Variants in LAMA2 observed in about 807,000 individuals in gnomAD.
LAMA2 encodes laminin subunit alpha 2.
In LAMA2, 269 loss-of-function variants were observed where a neutral mutation model predicts 364.8. The observed-to-expected ratio is 0.74, with a 90% CI of 0.67 to 0.82. LAMA2 has a LOEUF of 0.82. Among genes scored for constraint, LAMA2 ranks in the 40% least tolerant of loss-of-function variants. The pLI, the probability that LAMA2 is intolerant of heterozygous loss-of-function variation, is 0.00. For missense variants in LAMA2, 3,807 were observed against 3,873.2 expected (o/e 0.98, Z 0.45); for synonymous variants, 1,379 against 1,370.6 (o/e 1.01, Z -0.14).
At position 129,146,947 on chromosome 6, in the gene LAMA2, T is replaced by G; in HGVS notation, c.820-12T>G. On this transcript the variant is annotated splice_polypyrimidine_tract_variant and intron_variant, in intron 5 of 64. Transcript: ENST00000421865. ...ATCTTAACAGGATTTCTCTCTGGAT[T>G]GCTTTTTGCAGTATTACTACTCGGT... 1 of 1,548,786 alleles carries G rather than the reference T, an allele frequency of 6.5e-7. No homozygotes were observed. Among genetic ancestry groups the G allele is most frequent in the Non-Finnish European group, 8.9e-7 (1 of 1,120,784 alleles).
intron 9 of LAMA2, among the ~76,000 whole-genome samples, chr6:129,170,745 CGTT>C (rs1213255012): frequency 6.6e-6 from 1 of 151,948 alleles, no homozygotes; most frequent in Admixed American, 6.6e-5. Flanking sequence ...CTTTCTGTCT[CGTT>C]GATCTGTCTA....
At chr6:129,489,762 G>A (rs1784768229) in intron 56 of LAMA2, among the ~76,000 whole-genome samples, 1 of 152,066 alleles carries the variant, frequency 6.6e-6, no homozygotes, top group South Asian at 2.1e-4. Flanking sequence ...TATTTATTAT[G>A]TAAATTACAA....
chr6:128,915,754 G>C (rs140121903), intron 1 of LAMA2, among the ~76,000 whole-genome samples: 278 of 152,202 alleles, frequency 1.8e-3, no homozygotes, highest in South Asian at 4.1e-3. Context: ...CAAGTGGATA[G>C]TCTGCCAGTT....
chr6:129,319,962 G>C (rs1369912776), intron 27 of LAMA2, among the ~76,000 whole-genome samples: 2 of 151,896 alleles, frequency 1.3e-5, no homozygotes, highest in African/African-American at 4.8e-5. Context: ...ATGAAACCCA[G>C]TTTCTACTAA....
At chr6:129,326,207 G>A (rs992706442) in intron 28 of LAMA2, among the ~76,000 whole-genome samples, 6 of 152,206 alleles carry the variant, frequency 3.9e-5, no homozygotes, top group African/African-American at 7.2e-5. Flanking sequence ...GTGACGCTGC[G>A]CTCTAATTGT....
At chr6:129,210,402 G>GCACA (rs57169956) in intron 12 of LAMA2, among the ~76,000 whole-genome samples, 4 of 150,076 alleles carry the variant, frequency 2.7e-5, no homozygotes, top group South Asian at 2.1e-4. Flanking sequence ...GCATGTGCAC[G>GCACA]CACACACACA....
chr6:129,281,065 A>T (rs539925563), intron 18 of LAMA2, among the ~76,000 whole-genome samples: 1 of 152,322 alleles, frequency 6.6e-6, no homozygotes, highest in Non-Finnish European at 1.5e-5. Context: ...AGCAACTAGC[A>T]GTCTGTGGAC....
intron 35 of LAMA2, among the ~76,000 whole-genome samples, chr6:129,386,324 T>G (rs1018991119): frequency 6.6e-6 from 1 of 151,902 alleles, no homozygotes; most frequent in Non-Finnish European, 1.5e-5. Flanking sequence ...CAGATCCTAT[T>G]TATACATAGG....
intron 12 of LAMA2, among the ~76,000 whole-genome samples, chr6:129,212,401 G>A (rs188991688): frequency 7.5e-4 from 114 of 152,284 alleles, no homozygotes; most frequent in Non-Finnish European, 1.4e-3. Context: ...AGGTAGGATG[G>A]AGCAGATAGG....
intron 13 of LAMA2, among the ~76,000 whole-genome samples, 172 bp from the exon 14 acceptor site, chr6:129,251,912 G>A (rs539952246): frequency 1.5e-4 from 23 of 152,010 alleles, no homozygotes; most frequent in African/African-American, 4.6e-4. Flanking sequence ...TCCAGCCTGG[G>A]GGATAGAGCG....
rs2114421104 is a variant in LAMA2 at position 129,288,068 on chromosome 6, G to C, written c.2749+10G>C. ...GCGAAGAACTGTCAGCGTAAGTCCT[G>C]AACTATTGATGCCCCTGACAGAATT... On this transcript the variant is annotated intron_variant, in intron 19 of 64. Transcript: ENST00000421865. 4 of 1,609,716 alleles carry C rather than the reference G, an allele frequency of 2.5e-6. No individual in the cohort carries two copies. In the South Asian group the frequency reaches 3.3e-5, roughly 13 times the overall value.
chr6:129,482,075 G>C (rs1784375277), intron 55 of LAMA2, among the ~76,000 whole-genome samples: 1 of 152,180 alleles, frequency 6.6e-6, no homozygotes, highest in Non-Finnish European at 1.5e-5. Flanking sequence ...GCAGGTCAAA[G>C]CAGGAGGATC....
At chr6:129,378,691 T>C (rs996340687) in intron 34 of LAMA2, among the ~76,000 whole-genome samples, 1 of 152,124 alleles carries the variant, frequency 6.6e-6, no homozygotes, top group Non-Finnish European at 1.5e-5. Flanking sequence ...AAACACAAAA[T>C]AGTGTTGGGT....
intron 53 of LAMA2, 30 bp downstream of exon 53, chr6:129,475,431 C>T (rs202115948): frequency 3.0e-4 from 467 of 1,551,162 alleles, no homozygotes; most frequent in South Asian, 6.6e-4. Flanking sequence ...ATGCCTTCTT[C>T]GAGTGCATGG....
At chr6:129,307,516 T>C (rs1405450396) in intron 22 of LAMA2, among the ~76,000 whole-genome samples, 1 of 152,250 alleles carries the variant, frequency 6.6e-6, no homozygotes, top group Admixed American at 6.5e-5. Context: ...TCAGCTATAA[T>C]GCGGGCTTTG....
intron 1 of LAMA2, among the ~76,000 whole-genome samples, chr6:128,931,637 C>A (rs1357137492): frequency 6.6e-6 from 1 of 152,168 alleles, no homozygotes; most frequent in East Asian, 1.9e-4. Flanking sequence ...AACTCTGGGT[C>A]ACAGCTTGTG....
intron 3 of LAMA2, among the ~76,000 whole-genome samples, chr6:129,071,413 C>G (rs897324123): frequency 2.0e-5 from 3 of 151,886 alleles, no homozygotes; most frequent in African/African-American, 7.3e-5. Context: ...TTGAATCCTG[C>G]TCTTATATGT....
intron 12 of LAMA2, among the ~76,000 whole-genome samples, chr6:129,206,343 C>T (rs1297098310): frequency 6.6e-6 from 1 of 152,058 alleles, no homozygotes; most frequent in Non-Finnish European, 1.5e-5. Flanking sequence ...TTCTAGTGCC[C>T]CACTCAAGAA....
intron 1 of LAMA2, among the ~76,000 whole-genome samples, chr6:128,942,060 A>C (rs771192954): frequency 6.6e-6 from 1 of 152,232 alleles, no homozygotes; most frequent in Admixed American, 6.5e-5. Flanking sequence ...ATTCCAAGAT[A>C]TATGAGTAAA....
Sources: gnomAD v4.1 joint callset for allele counts (sites outside exome capture counted in the v4.1 genomes callset) on GRCh38, gnomAD v4.1.1 for gene constraint, MANE v1.5 for transcripts, NCBI Gene and HGNC (gene_info 2026-07-23, HGNC 2026-07-21) for gene names.